Variants in KDM1B observed in about 807,000 individuals in gnomAD.
KDM1B encodes the protein lysine demethylase 1B.
Under a neutral mutation model 107.4 loss-of-function variants are expected in KDM1B, and 63 were observed. The ratio of observed to expected loss-of-function variants is 0.59; its 90% confidence interval spans 0.48 to 0.72. The LOEUF (loss-of-function observed/expected upper bound fraction) is 0.72. Ranked by LOEUF, KDM1B falls within the 30% of genes least tolerant of loss-of-function variation. KDM1B has a pLI of 0.00. For synonymous variants in KDM1B, 363 were observed against 363.9 expected, an observed-to-expected ratio of 1.00 and a Z score of 0.03; for missense variants, 749 against 1,020.8, an observed-to-expected ratio of 0.73 and a Z score of 3.63.
At position 18,159,396 on chromosome 6, in the gene KDM1B, T is replaced by C. The variant is rs1251675025; in HGVS notation, c.-13-487T>C. ...TTGAATTTTATAAACATAGTGTGGT[T>C]TGTTTATTGGTCATTCATGTGGCAT... is the stretch of plus-strand genomic sequence containing the variant. On this transcript the variant is annotated intron_variant, in intron 2 of 21. Transcript: ENST00000650836. This position sits in a 1 kb window ranked among gnomAD's most constrained non-coding sequence, Gnocchi z 4.5. Among the ~76,000 whole-genome samples the C allele has an allele frequency of 6.6e-6, 1 of 152,200 alleles. No individual in the cohort carries two copies. The highest frequency in any genetic ancestry group is 1.5e-5 in the Non-Finnish European group (1 of 68,028).
rs1159086639 is a variant in KDM1B, at chr6:18,201,874, G to A, written c.1531+217G>A. Among the ~76,000 whole-genome samples, 1 of 152,056 alleles carries A rather than the reference G, an allele frequency of 6.6e-6. No homozygotes were observed. The highest frequency in any genetic ancestry group is 1.5e-5 in the Non-Finnish European group (1 of 68,020). ...TGTGTTGTGTACACACACACACACA[G>A]ACCTTACTTTACACAATAGCTGGTG... is the stretch of plus-strand genomic sequence containing the variant. On this transcript the variant is annotated intron_variant, in intron 14 of 21. Transcript: ENST00000650836. This position sits in a 1 kb window ranked among gnomAD's most constrained non-coding sequence, Gnocchi z 4.3.
Position 18,204,338 on chromosome 6 carries a change from G to T in KDM1B, c.1532-1199G>T, listed in dbSNP as rs1280046237. Among the ~76,000 whole-genome samples, 1 of 151,942 alleles carries T rather than the reference G, an allele frequency of 6.6e-6. No homozygotes were observed. Among genetic ancestry groups the T allele is most frequent in the East Asian group, 1.9e-4 (1 of 5,176 alleles). ...ATCTCTACTAAAAATTCAAAAATTA[G>T]CTGGGCATAGAGGCGGGCGCCTGTA... On this transcript the variant is annotated intron_variant, in intron 14 of 21. Coordinates refer to ENST00000650836, the MANE Select transcript of KDM1B (RefSeq NM_001364614.2). The surrounding 1 kb of genome is among the most constrained non-coding windows in gnomAD (Gnocchi z 4.9).
chr6:18,160,051 T>A, intron 3 of KDM1B, 69 bp downstream of exon 3: 1 of 1,055,352 alleles, frequency 9.5e-7, no homozygotes, highest in Non-Finnish European at 1.4e-6. Flanking sequence ...GACTGGAGAA[T>A]TAGAGTTGAA....
chr6:18,197,739 A>T lies in KDM1B; in HGVS notation c.1221+78A>T. On this transcript the variant is annotated intron_variant, in intron 12 of 21. Coordinates refer to ENST00000650836, the MANE Select transcript of KDM1B (RefSeq NM_001364614.2). This position sits in a 1 kb window ranked among gnomAD's most constrained non-coding sequence, Gnocchi z 4.5. Reference sequence around the variant, plus strand: ...TCCAAATTTCTAAGATTTAGAAACCAGTTCCTATTTTTAGTGAAGAATACT... The same window carrying T: ...TCCAAATTTCTAAGATTTAGAAACCTGTTCCTATTTTTAGTGAAGAATACT... 4 of 1,004,202 alleles carry T rather than the reference A, an allele frequency of 4.0e-6. No homozygotes were observed. Among genetic ancestry groups the T allele is most frequent in the Non-Finnish European group, 6.1e-6 (4 of 657,122 alleles). The allele number at this position is 1,004,202 out of a possible 1,614,324, so 62.2% of individuals were successfully genotyped here. A position where few individuals can be genotyped will look rare whatever the true frequency, so the allele number is the denominator to read the frequency against.
In KDM1B at chr6:18,200,606, T is replaced by C; in HGVS notation, c.1359+30T>C. On this transcript the variant is annotated intron_variant, in intron 13 of 21. Transcript: ENST00000650836. This position sits in a 1 kb window ranked among gnomAD's most constrained non-coding sequence, Gnocchi z 4.3. ...GTTTCTTTTAGCTTTGTGTTGTAGA[T>C]AAAGGAAAGAAAAACAGTTTCAATT... 1.3e-6 allele frequency: 2 copies of C among 1,590,788 alleles called. No homozygotes were observed. The highest frequency in any genetic ancestry group is 8.5e-7 in the Non-Finnish European group (1 of 1,170,488).
In KDM1B at chr6:18,222,001, T is replaced by A. The variant is rs1301055109; in HGVS notation, c.*9T>A. The A allele has an allele frequency of 6.2e-7, 1 of 1,613,164 alleles. No individual in the cohort carries two copies. Among genetic ancestry groups the A allele is most frequent in the Non-Finnish European group, 8.5e-7 (1 of 1,179,188 alleles). On this transcript the variant is annotated 3_prime_UTR_variant, in exon 22 of 22. Coordinates refer to ENST00000650836, the MANE Select transcript of KDM1B (RefSeq NM_001364614.2). ...AGATTGCAGCATTTTAAGAATTCGGTGGACCCAGCTTTCTTCTGTACCCCA... is the reference window on the plus strand; with the variant it reads ...AGATTGCAGCATTTTAAGAATTCGGAGGACCCAGCTTTCTTCTGTACCCCA...
intron 6 of KDM1B, among the ~76,000 whole-genome samples, chr6:18,167,625 TACC>T (rs1412189668): frequency 6.6e-6 from 1 of 151,000 alleles, no homozygotes; most frequent in East Asian, 2.0e-4. Flanking sequence ...CCGCACATGC[TACC>T]ACGCCCAGCT....
rs1789824752 is a variant in KDM1B at position 18,222,390 on chromosome 6, T to G, written c.*398T>G. The stretch of plus-strand genomic sequence containing the variant: ...AAGCAGGAATCATTTAAAAACCAGA[T>G]AAAGCCATGTTTTTCTTCTGTGACA... On this transcript the variant is annotated 3_prime_UTR_variant, in exon 22 of 22. Transcript: ENST00000650836. 3.2e-6 allele frequency: 1 copy of G among 311,778 alleles called. No homozygotes were observed. Among genetic ancestry groups the G allele is most frequent in the Non-Finnish European group, 6.3e-6 (1 of 160,000 alleles). The allele number at this position is 311,778 out of a possible 1,614,324, so 19.3% of individuals were successfully genotyped here.
chr6:18,187,613 AT>A (rs1272530591), intron 8 of KDM1B, among the ~76,000 whole-genome samples, 178 bp from the exon 9 acceptor site: 1 of 152,162 alleles, frequency 6.6e-6, no homozygotes, highest in Non-Finnish European at 1.5e-5. Context: ...TTATCAGCCC[AT>A]TTTTGTTTCT....
chr6:18,186,973 TACACACAC>T lies in KDM1B; in HGVS notation c.574-799_574-792del, dbSNP rs141222425. On this transcript the variant is annotated intron_variant, in intron 8 of 21. Transcript: ENST00000650836. This position sits in a 1 kb window ranked among gnomAD's most constrained non-coding sequence, Gnocchi z 5.6. ...CAGTATGTATATATGTGTGTGTGTG[TACACACAC>T]ACACACACACACACACACATTTTTT... Among the ~76,000 whole-genome samples the T allele has an allele frequency of 0.013, 1,969 of 147,516 alleles. 44 individuals are homozygous for T. The highest frequency in any genetic ancestry group is 0.046 in the African/African-American group (1,848 of 39,986).
chr6:18,199,096 G>C (rs2150968681), intron 12 of KDM1B, among the ~76,000 whole-genome samples: 1 of 151,764 alleles, frequency 6.6e-6, no homozygotes, highest in Non-Finnish European at 1.5e-5. Flanking sequence ...TATTCAAGAG[G>C]CTGAGGTGGG....
chr6:18,176,013 AT>A (rs749274710), intron 7 of KDM1B, among the ~76,000 whole-genome samples: 3 of 152,156 alleles, frequency 2.0e-5, no homozygotes, highest in Non-Finnish European at 4.4e-5. Context: ...TGATAGTAGT[AT>A]TTTGATGGGG....
intron 7 of KDM1B, among the ~76,000 whole-genome samples, chr6:18,171,850 G>A (rs375591157): frequency 5.6e-4 from 85 of 152,292 alleles, no homozygotes; most frequent in African/African-American, 1.9e-3. Context: ...AAGGTCAAAG[G>A]GCAAGAGGGG....
At chr6:18,164,978 T>G (rs1785201428) in intron 5 of KDM1B, among the ~76,000 whole-genome samples, 1 of 152,096 alleles carries the variant, frequency 6.6e-6, no homozygotes, top group African/African-American at 2.4e-5. Flanking sequence ...CTTATAGTTT[T>G]TTTGTAATCC....
rs1488448552 is a variant in KDM1B, at chr6:18,197,741, T to A, written c.1221+80T>A. The stretch of plus-strand genomic sequence containing the variant: ...CAAATTTCTAAGATTTAGAAACCAG[T>A]TCCTATTTTTAGTGAAGAATACTAA... On this transcript the variant is annotated intron_variant, in intron 12 of 21. Transcript: ENST00000650836. The surrounding 1 kb of genome is among the most constrained non-coding windows in gnomAD (Gnocchi z 4.5). The A allele has an allele frequency of 7.1e-6, 7 of 980,696 alleles. No individual in the cohort carries two copies. The East Asian group carries it at 1.7e-4, about 24-fold the overall frequency. The allele number at this position is 980,696 out of a possible 1,614,324, so 60.7% of individuals were successfully genotyped here. A position where few individuals can be genotyped will look rare whatever the true frequency, so the allele number is the denominator to read the frequency against.
Position 18,171,375 on chromosome 6 carries a change from A to C in KDM1B, c.430A>C (p.Lys144Gln), listed in dbSNP as rs1785653353. The C allele has an allele frequency of 6.3e-7, 1 of 1,598,594 alleles. No individual in the cohort carries two copies. Among genetic ancestry groups the C allele is most frequent in the African/African-American group, 1.3e-5 (1 of 74,680 alleles). Residue 144 changes from lysine to glutamine, a missense_variant, in exon 7 of 22, where the codon AAA (lysine) becomes CAA (glutamine). Transcript: ENST00000650836. ...ACTTCCCATCTAGGTTCAGTGTACA[A>C]AACCTGAGTGTAGAAAATGGAGGCA... The part of the protein sequence containing the change: ...QQLPYWVQCT[K>Q]PECRKWRQLT...
intron 2 of KDM1B, among the ~76,000 whole-genome samples, chr6:18,158,302 C>T (rs1029407269): frequency 1.3e-4 from 15 of 118,380 alleles, no homozygotes; most frequent in African/African-American, 4.7e-4. Flanking sequence ...GGAGGCCGGG[C>T]GATAGAGTGA....
rs141222425 is a variant in KDM1B at position 18,186,973 on chromosome 6, T to TACACACAC, written c.574-799_574-792dup. ...CAGTATGTATATATGTGTGTGTGTG[T>TACACACAC]ACACACACACACACACACACACACA... On this transcript the variant is annotated intron_variant, in intron 8 of 21. Transcript: ENST00000650836. This position sits in a 1 kb window ranked among gnomAD's most constrained non-coding sequence, Gnocchi z 5.6. Among the ~76,000 whole-genome samples the TACACACAC allele has an allele frequency of 0.1, 14,860 of 147,390 alleles. 827 individuals are homozygous for TACACACAC. The highest frequency in any genetic ancestry group is 0.15 in the South Asian group (681 of 4,622).
In KDM1B at chr6:18,191,354, C is replaced by T. The variant is rs915623753; in HGVS notation, c.942C>T (p.Ile314=). The change falls in exon 10 of 22, where the codon ATC becomes ATT. Residue 314 remains isoleucine (I), a synonymous_variant. Coordinates refer to ENST00000650836, the MANE Select transcript of KDM1B (RefSeq NM_001364614.2). This position sits in a 1 kb window ranked among gnomAD's most constrained non-coding sequence, Gnocchi z 5.1. ...PTMYLALRNL[I]LALWYTNCKE... is the part of the protein sequence containing the mutation. ...TGTACCTGGCTTTGAGAAACCTCATCCTCGCACTGTGGTATACTAACTGCA... is the reference window on the plus strand; with the variant it reads ...TGTACCTGGCTTTGAGAAACCTCATTCTCGCACTGTGGTATACTAACTGCA... 1.9e-6 allele frequency: 3 copies of T among 1,550,906 alleles called. No homozygotes were observed. The African/African-American group carries it at 4.1e-5, about 21-fold the overall frequency.
Sources: allele counts gnomAD v4.1 joint callset (sites outside exome capture counted in the v4.1 genomes callset), GRCh38; gene constraint gnomAD v4.1.1; non-coding constraint Gnocchi (gnomAD v3.1); transcripts MANE v1.5; gene names NCBI Gene and HGNC (gene_info 2026-07-23, HGNC 2026-07-21).